Variants in FSHR observed in about 807,000 individuals in gnomAD.
FSHR encodes the protein follicle stimulating hormone receptor.
In FSHR, 46 loss-of-function variants were observed where a neutral mutation model predicts 52.1. The observed-to-expected ratio is 0.88, with a 90% CI of 0.70 to 1.13. The LOEUF (loss-of-function observed/expected upper bound fraction) is 1.13, where lower values mean the gene tolerates loss of function less well. Among genes scored for constraint, FSHR ranks in the 50% most tolerant of loss-of-function variants. The probability of loss-of-function intolerance (pLI) is 0.00; values close to 1 mark genes in which losing one functional copy is unlikely to be tolerated. For missense variants in FSHR, 964 were observed against 834.6 expected, an observed-to-expected ratio of 1.16 and a Z score of -1.91; for synonymous variants, 399 against 309.6, an observed-to-expected ratio of 1.29 and a Z score of -3.03.
At chr2:49,024,484 G>A (rs1313704302) in intron 2 of FSHR, among the ~76,000 whole-genome samples, 21 of 152,158 alleles carry the variant, frequency 1.4e-4, no homozygotes, top group Admixed American at 1.4e-3. Flanking sequence ...TGAGGCAGGA[G>A]AATCACTTGA....
chr2:49,039,005 G>C (rs1027396794), intron 2 of FSHR, among the ~76,000 whole-genome samples: 4 of 152,310 alleles, frequency 2.6e-5, no homozygotes, highest in South Asian at 4.1e-4. Flanking sequence ...TGTGCTGGAT[G>C]AGTATGCCTT....
At chr2:48,988,939 C>G (rs367681504) in intron 6 of FSHR, 38 bp downstream of exon 6, 1 of 1,551,282 alleles carries the variant, frequency 6.4e-7, no homozygotes, top group African/African-American at 1.4e-5. Context: ...AATGAAAAAT[C>G]AAATGTTACT....
At chr2:49,003,888 C>T (rs1666992760) in intron 4 of FSHR, among the ~76,000 whole-genome samples, 1 of 151,952 alleles carries the variant, frequency 6.6e-6, no homozygotes, top group East Asian at 1.9e-4. Context: ...CTCCTCTGGC[C>T]CATCCCCATG....
chr2:49,153,798 T>C (rs1454348550), intron 1 of FSHR, among the ~76,000 whole-genome samples: 1 of 152,168 alleles, frequency 6.6e-6, no homozygotes, highest in Non-Finnish European at 1.5e-5. Flanking sequence ...AGTTCAGGAA[T>C]TATTTGCTGC....
chr2:49,138,740 T>C (rs1044264510), intron 1 of FSHR, among the ~76,000 whole-genome samples: 2 of 152,186 alleles, frequency 1.3e-5, no homozygotes, highest in African/African-American at 4.8e-5. Flanking sequence ...TTTCAGATGA[T>C]AAAAATGTTT....
chr2:49,083,528 C>T (rs1670255931), intron 1 of FSHR, among the ~76,000 whole-genome samples: 1 of 145,418 alleles, frequency 6.9e-6, no homozygotes, highest in African/African-American at 2.6e-5. Context: ...CTAAATGCTC[C>T]AATTAAAAGA....
At chr2:49,045,775 G>A (rs1285412627) in intron 2 of FSHR, among the ~76,000 whole-genome samples, 3 of 152,098 alleles carry the variant, frequency 2.0e-5, no homozygotes, top group Admixed American at 6.6e-5. Flanking sequence ...TTTTTCCCCA[G>A]TGCCAAGTGC....
chr2:49,056,454 A>ATG (rs1305070587), intron 2 of FSHR, among the ~76,000 whole-genome samples: 1 of 15,880 alleles, frequency 6.3e-5, no homozygotes, highest in Non-Finnish European at 1.8e-4. Context: ...GAATATATAT[A>ATG]TATATATATA....
chr2:48,970,423 CCTT>C (rs1674691532), intron 8 of FSHR, among the ~76,000 whole-genome samples: 1 of 152,162 alleles, frequency 6.6e-6, no homozygotes, highest in African/African-American at 2.4e-5. Flanking sequence ...GTAGAATGCT[CCTT>C]CTTTTTGAGA....
intron 1 of FSHR, among the ~76,000 whole-genome samples, chr2:49,096,664 A>T (rs968029254): frequency 6.6e-6 from 1 of 152,188 alleles, no homozygotes; most frequent in South Asian, 2.1e-4. Flanking sequence ...TGTTCAATTT[A>T]TTTCTGGCAA....
At chr2:48,971,682 G>A (rs1573024284) in intron 8 of FSHR, among the ~76,000 whole-genome samples, 1 of 152,196 alleles carries the variant, frequency 6.6e-6, no homozygotes, top group East Asian at 1.9e-4. Context: ...TATCACTACT[G>A]AGAAAATTAT....
intron 4 of FSHR, among the ~76,000 whole-genome samples, chr2:49,003,965 G>A (rs1375986814): frequency 6.6e-6 from 1 of 152,154 alleles, no homozygotes; most frequent in Non-Finnish European, 1.5e-5. Flanking sequence ...GGTCTCTAAG[G>A]ACAAAGATAC....
At chr2:49,035,591 A>G (rs775675535) in intron 2 of FSHR, among the ~76,000 whole-genome samples, 5 of 152,168 alleles carry the variant, frequency 3.3e-5, no homozygotes, top group Non-Finnish European at 7.4e-5. Flanking sequence ...CTAATCCTCT[A>G]TCAAAACATC....
chr2:49,085,156 T>G (rs1418867803), intron 1 of FSHR, among the ~76,000 whole-genome samples: 1 of 133,222 alleles, frequency 7.5e-6, no homozygotes, highest in Non-Finnish European at 1.7e-5. Flanking sequence ...CATGATCAAG[T>G]GGGCTTCATC....
rs1487768634 is a variant in FSHR, at chr2:49,091,740, G to A, written c.153-23450C>T. On this transcript the variant is annotated intron_variant, in intron 1 of 9. Transcript: ENST00000406846. The stretch of plus-strand genomic sequence containing the variant: ...TGTTCTGCTAAATGGATAGATCTAT[G>A]AGTCTTTTTGCCAATGTTATGTTTT... 2.0e-5 allele frequency among the ~76,000 whole-genome samples: 3 copies of A among 152,184 alleles called. No homozygotes were observed. In the East Asian group the frequency reaches 5.8e-4, roughly 29 times the overall value.
intron 4 of FSHR, among the ~76,000 whole-genome samples, chr2:49,004,246 G>A (rs942825012): frequency 6.6e-6 from 1 of 152,146 alleles, no homozygotes; most frequent in Non-Finnish European, 1.5e-5. Context: ...CAGGGACTGG[G>A]GTGGCAGGAA....
chr2:49,000,672 T>A (rs1666839542), intron 4 of FSHR, among the ~76,000 whole-genome samples: 1 of 152,138 alleles, frequency 6.6e-6, no homozygotes, highest in Non-Finnish European at 1.5e-5. Context: ...TGGAGAAAGC[T>A]GTAGATTTTT....
Position 49,121,373 on chromosome 2 carries a change from G to C in FSHR, c.152+32893C>G, listed in dbSNP as rs193107434. Among the ~76,000 whole-genome samples the C allele has an allele frequency of 3.9e-5, 6 of 152,276 alleles. No homozygotes were observed. The East Asian group carries it at 1.2e-3, about 29-fold the overall frequency. ...TGGAACCAAATAAGATAATGCCAAA[G>C]TGTTTTGTAAACTGTAAAGTACCCT... On this transcript the variant is annotated intron_variant, in intron 1 of 9. Coordinates refer to ENST00000406846, the MANE Select transcript of FSHR (RefSeq NM_000145.4).
intron 4 of FSHR, among the ~76,000 whole-genome samples, chr2:48,996,545 C>G (rs1024504771): frequency 6.6e-6 from 1 of 152,078 alleles, no homozygotes; most frequent in Admixed American, 6.6e-5. Context: ...GAGTATATAA[C>G]TCATGTCTGA....
Sources: allele counts gnomAD v4.1 joint callset (sites outside exome capture counted in the v4.1 genomes callset), GRCh38; gene constraint gnomAD v4.1.1; transcripts MANE v1.5; gene names NCBI Gene and HGNC (gene_info 2026-07-23, HGNC 2026-07-21).